LRP2: variants seen among roughly 807,000 people sequenced by gnomAD.
The protein encoded by LRP2 is LDL receptor related protein 2.
In LRP2, 172 loss-of-function variants were observed where a neutral mutation model predicts 531.0. The observed-to-expected ratio is 0.32, with a 90% CI of 0.29 to 0.37. LRP2 has a LOEUF of 0.37. Ranked by LOEUF, LRP2 falls within the 10% of genes least tolerant of loss-of-function variation. The pLI is 1.00. For missense variants in LRP2, 5,167 were observed against 5,868.3 expected (o/e 0.88, Z 3.90); for synonymous variants, 1,992 against 2,027.6 (o/e 0.98, Z 0.47).
intron 77 of LRP2, among the ~76,000 whole-genome samples, chr2:169,130,370 C>T (rs1045887433): frequency 2.0e-5 from 3 of 151,800 alleles, no homozygotes; most frequent in African/African-American, 7.3e-5. Context: ...CCACTACAAC[C>T]TCTGCCTCCC....
rs1277637866 is a variant in LRP2 at position 169,138,948 on chromosome 2, G to A, written c.13389-242C>T. Among the ~76,000 whole-genome samples the A allele has an allele frequency of 2.6e-5, 4 of 152,116 alleles. No homozygotes were observed. The East Asian group carries it at 7.7e-4, about 29-fold the overall frequency. ...TAAAAGAAAAAGAGTCCAGCACATA[G>A]AAGGATAAAGCCTGGGCCATCACAC... On this transcript the variant is annotated intron_variant, in intron 74 of 78. Transcript: ENST00000649046.
At chr2:169,191,113 T>C (rs918635747) in intron 48 of LRP2, among the ~76,000 whole-genome samples, 19 of 152,208 alleles carry the variant, frequency 1.2e-4, no homozygotes, top group Non-Finnish European at 2.5e-4. Context: ...ATCAGAGTAT[T>C]TCAAATGAAA....
In LRP2 at chr2:169,157,456, A is replaced by G. The variant is rs757918434; in HGVS notation, c.11934T>C (p.Asn3978=). Residue 3978 remains asparagine, a synonymous_variant, in exon 64 of 79, where the codon AAT becomes AAC. Coordinates refer to ENST00000649046, the MANE Select transcript of LRP2 (RefSeq NM_004525.3). ...RTCAENICEQ[N]CTQLNEGGFI... ...ATCCTCCTTCATTTAATTGGGTACA[A>G]TTTTGCTCGCATATATTTTCAGCAC... is the stretch of plus-strand genomic sequence containing the variant. 7 of 1,613,148 alleles carry G rather than the reference A, an allele frequency of 4.3e-6. No homozygotes were observed. The highest frequency in any genetic ancestry group is 5.9e-6 in the Non-Finnish European group (7 of 1,179,462).
intron 72 of LRP2, 44 bp from the exon 73 acceptor site, chr2:169,139,654 G>C: frequency 4.5e-6 from 7 of 1,546,052 alleles, no homozygotes; most frequent in Non-Finnish European, 6.3e-6. Flanking sequence ...TATGTTCTTA[G>C]GCTTCTACTG....
rs547458905 is a variant in LRP2 at position 169,232,315 on chromosome 2, C to CT, written c.5099-474dup. Among the ~76,000 whole-genome samples, 243 of 152,140 alleles carry CT rather than the reference C, an allele frequency of 1.6e-3. 1 individual carries two copies. Among genetic ancestry groups the CT allele is most frequent in the African/African-American group, 5.6e-3 (232 of 41,488 alleles). ...TTTTATTTTTCTACTGATGATATCT[C>CT]TGTGTGTCTCTGCACCTTGAAAATC... is the stretch of plus-strand genomic sequence containing the variant. On this transcript the variant is annotated intron_variant, in intron 30 of 78. Coordinates refer to ENST00000649046, the MANE Select transcript of LRP2 (RefSeq NM_004525.3).
intron 1 of LRP2, among the ~76,000 whole-genome samples, chr2:169,326,602 A>G (rs897705663): frequency 2.6e-5 from 4 of 152,032 alleles, no homozygotes; most frequent in African/African-American, 4.8e-5. Context: ...TTGGCCTCCC[A>G]AAGTGCCGAG....
intron 14 of LRP2, among the ~76,000 whole-genome samples, chr2:169,274,817 C>G (rs1294479913): frequency 6.6e-6 from 1 of 152,164 alleles, no homozygotes. Flanking sequence ...TAAATTCCCT[C>G]TAGATTTGGC....
chr2:169,145,205 C>T (rs1409519938), intron 70 of LRP2, among the ~76,000 whole-genome samples: 2 of 152,188 alleles, frequency 1.3e-5, no homozygotes, highest in Non-Finnish European at 2.9e-5. Context: ...TCTTGCTCCA[C>T]ACACTGCTGA....
chr2:169,200,535 C>A (rs1246819002), intron 44 of LRP2, among the ~76,000 whole-genome samples: 1 of 152,024 alleles, frequency 6.6e-6, no homozygotes, highest in Admixed American at 6.6e-5. Context: ...GACAACTGGG[C>A]ACCAAGAAAA....
At chr2:169,231,673 C>T in intron 31 of LRP2, 41 bp downstream of exon 31, 2 of 1,612,558 alleles carry the variant, frequency 1.2e-6, no homozygotes, top group Non-Finnish European at 1.7e-6. Flanking sequence ...CAAACTATGA[C>T]CAGCTCCATC....
At position 169,192,179 on chromosome 2, in the gene LRP2, A is replaced by C. The variant is rs910203129; in HGVS notation, c.8831-146T>G. On this transcript the variant is annotated intron_variant, in intron 47 of 78. Transcript: ENST00000649046. ...CAAATTACACTGCTATTATAATAAT[A>C]GATCATAATAAAAATACCTCCAAAG... 43 of 562,086 alleles carry C rather than the reference A, an allele frequency of 7.7e-5. No homozygotes were observed. The Admixed American group carries it at 1.4e-3, about 18-fold the overall frequency. 34.8% of individuals were successfully genotyped at this position (562,086 alleles called of 1,614,324 possible).
intron 58 of LRP2, among the ~76,000 whole-genome samples, chr2:169,171,272 C>G (rs1336302899): frequency 6.6e-6 from 1 of 151,996 alleles, no homozygotes; most frequent in Non-Finnish European, 1.5e-5. Context: ...AAAAGGTAAA[C>G]AAAGTTAGAA....
intron 34 of LRP2, among the ~76,000 whole-genome samples, chr2:169,219,131 G>A (rs1323297148): frequency 6.6e-6 from 1 of 152,118 alleles, no homozygotes; most frequent in East Asian, 1.9e-4. Context: ...CCTTCTTCTA[G>A]AAAGAATAAC....
intron 69 of LRP2, among the ~76,000 whole-genome samples, chr2:169,146,374 C>A (rs1241924037): frequency 6.6e-6 from 1 of 152,126 alleles, no homozygotes; most frequent in East Asian, 1.9e-4. Flanking sequence ...GTTGTGCATA[C>A]TGGGCAATCT....
intron 47 of LRP2, among the ~76,000 whole-genome samples, chr2:169,192,951 G>C (rs1649032778): frequency 6.6e-6 from 1 of 152,148 alleles, no homozygotes; most frequent in Non-Finnish European, 1.5e-5. Flanking sequence ...ACCATAGAAA[G>C]ACATTATTCT....
intron 16 of LRP2, among the ~76,000 whole-genome samples, chr2:169,263,715 A>G (rs1690667635): frequency 6.6e-6 from 1 of 152,146 alleles, no homozygotes; most frequent in African/African-American, 2.4e-5. Flanking sequence ...AGAACTAGAC[A>G]TACCATTTGA....
chr2:169,242,863 G>T, intron 24 of LRP2, 93 bp downstream of exon 24: 1 of 934,156 alleles, frequency 1.1e-6, no homozygotes, highest in South Asian at 1.3e-5. Flanking sequence ...CAGTTTGTCT[G>T]AGTTAGGGAA....
At chr2:169,170,764 C>T in intron 58 of LRP2, 97 bp from the exon 59 acceptor site, 1 of 844,778 alleles carries the variant, frequency 1.2e-6, no homozygotes, top group Non-Finnish European at 2.1e-6. Context: ...GCCCAGCACC[C>T]TCCTGTGTCC....
In LRP2 at chr2:169,173,003, A is replaced by T. The variant is rs553600198; in HGVS notation, c.11143+93T>A. The T allele has an allele frequency of 1.1e-5, 16 of 1,489,050 alleles. No individual in the cohort carries two copies. In the South Asian group the frequency reaches 1.7e-4, roughly 16 times the overall value. The allele number at this position is 1,489,050 out of a possible 1,614,324, so 92.2% of individuals were successfully genotyped here. The stretch of plus-strand genomic sequence containing the variant: ...CAGAGGTAAACAAAGAAAAGATGAC[A>T]TGGGAAATACACTCTCATCTCTCAT... On this transcript the variant is annotated intron_variant, in intron 57 of 78. Transcript: ENST00000649046.
Sources: allele counts gnomAD v4.1 joint callset (sites outside exome capture counted in the v4.1 genomes callset), GRCh38; gene constraint gnomAD v4.1.1; transcripts MANE v1.5; gene names NCBI Gene and HGNC (gene_info 2026-07-23, HGNC 2026-07-21).